The following PPP2R2C variants were observed in gnomAD, a reference collection of about 807,000 sequenced individuals.
The protein encoded by PPP2R2C is protein phosphatase 2, regulatory subunit B, gamma.
Under a neutral mutation model 45.3 loss-of-function variants are expected in PPP2R2C, and 10 were observed. That is an observed-to-expected ratio of 0.22 (90% confidence interval 0.14 to 0.37). PPP2R2C has a LOEUF of 0.37. Among genes scored for constraint, PPP2R2C ranks in the 10% least tolerant of loss-of-function variants. The pLI is 1.00. For missense variants in PPP2R2C, 308 were observed against 619.7 expected, an observed-to-expected ratio of 0.50 and a Z score of 5.34; for synonymous variants, 257 against 245.4, an observed-to-expected ratio of 1.05 and a Z score of -0.44.
At chr4:6,390,541 CCGGGCGG>C (rs1190351027) in intron 1 of PPP2R2C, among the ~76,000 whole-genome samples, 1 of 152,230 alleles carries the variant, frequency 6.6e-6, no homozygotes, top group Non-Finnish European at 1.5e-5. Context: ...AGGGAGCACG[CCGGGCGG>C]CGGGCGCATG....
intron 1 of PPP2R2C, among the ~76,000 whole-genome samples, chr4:6,427,410 G>T (rs1308701859): frequency 5.3e-5 from 8 of 152,160 alleles, no homozygotes; most frequent in African/African-American, 1.9e-4. Context: ...CCCACGTGGG[G>T]GCCCTTCCCA....
chr4:6,513,517 G>A (rs1384518000), intron 2 of PPP2R2C, among the ~76,000 whole-genome samples: 6 of 152,210 alleles, frequency 3.9e-5, no homozygotes, highest in East Asian at 1.9e-4. Flanking sequence ...CAGTCACTGC[G>A]AGGGAGGGGC....
chr4:6,475,811 C>T (rs1168820173), upstream of PPP2R2C, among the ~76,000 whole-genome samples: 2 of 152,234 alleles, frequency 1.3e-5, no homozygotes, highest in Non-Finnish European at 2.9e-5. Flanking sequence ...CTGTGCACCG[C>T]ACCATGTCCC....
At chr4:6,341,887 C>G (rs1014226564) in intron 6 of PPP2R2C, among the ~76,000 whole-genome samples, 4 of 152,182 alleles carry the variant, frequency 2.6e-5, no homozygotes, top group Middle Eastern at 3.4e-3. Flanking sequence ...CATTTTAGCC[C>G]GAGTTCCAGA....
Position 6,329,239 on chromosome 4 carries a change from T to G in PPP2R2C, c.1052+23A>C, listed in dbSNP as rs1204117295. On this transcript the variant is annotated intron_variant, in intron 8 of 8. Transcript: ENST00000382599. The surrounding 1 kb of genome is among the most constrained non-coding windows in gnomAD (Gnocchi z 5.8). ...AAACCCTCCCTACGGTGAGGTGAGG[T>G]GCGGGCTGAGGTCAGGGCTTACCTG... 1.2e-6 allele frequency: 2 copies of G among 1,605,322 alleles called. No individual in the cohort carries two copies. The highest frequency in any genetic ancestry group is 1.3e-5 in the African/African-American group (1 of 74,804).
intron 2 of PPP2R2C, among the ~76,000 whole-genome samples, chr4:6,518,216 T>C (rs1723887276): frequency 6.6e-6 from 1 of 151,732 alleles, no homozygotes; most frequent in African/African-American, 2.4e-5. Flanking sequence ...AGATCTAAAA[T>C]CAAGCACCTA....
At chr4:6,396,741 C>T (rs780694780) in intron 1 of PPP2R2C, among the ~76,000 whole-genome samples, 102 of 152,362 alleles carry the variant, frequency 6.7e-4, no homozygotes, top group Middle Eastern at 6.8e-3. Context: ...CAGGGGTTTG[C>T]CAGTGCAGTT....
At chr4:6,410,528 G>A (rs148881145) in intron 1 of PPP2R2C, among the ~76,000 whole-genome samples, 46 of 152,322 alleles carry the variant, frequency 3.0e-4, no homozygotes, top group African/African-American at 1.1e-3. Context: ...TCAAAAAGAT[G>A]GGGATGGGCA....
chr4:6,520,771 G>A (rs551027867), intron 2 of PPP2R2C, among the ~76,000 whole-genome samples: 5 of 152,316 alleles, frequency 3.3e-5, no homozygotes, highest in South Asian at 2.1e-4. Flanking sequence ...GGCCCACCAC[G>A]TGCCCAGGTA....
intron 1 of PPP2R2C, among the ~76,000 whole-genome samples, chr4:6,398,886 C>T (rs1277064593): frequency 6.6e-6 from 1 of 152,162 alleles, no homozygotes; most frequent in Non-Finnish European, 1.5e-5. Context: ...ATGGCATATT[C>T]ACAGAACAGA....
At chr4:6,455,246 C>T (rs571910517) in intron 1 of PPP2R2C, among the ~76,000 whole-genome samples, 2 of 152,342 alleles carry the variant, frequency 1.3e-5, no homozygotes, top group African/African-American at 4.8e-5. Flanking sequence ...AATCTTTATG[C>T]AAGCCCTTAA....
At position 6,500,832 on chromosome 4, in the gene PPP2R2C, A is replaced by C. The variant is rs575196067; in HGVS notation, c.49+34439T>G. On this transcript the variant is annotated intron_variant, in intron 2 of 9. Coordinates refer to the PPP2R2C transcript ENST00000506140. ...GCTCTAATCTGAGGAATTATCTAAA[A>C]CCCTGCAGGGCCCTGAGGGAGCTGG... 3.9e-5 allele frequency among the ~76,000 whole-genome samples: 6 copies of C among 152,258 alleles called. No homozygotes were observed. In the East Asian group the frequency reaches 9.7e-4, roughly 25 times the overall value.
At position 6,472,358 on chromosome 4, in the gene PPP2R2C, G is replaced by T; in HGVS notation, c.-129C>A. ...GGGCGCGGGCCGCCGGGGCCCCGAAGGGAGGGCATCGCGGCAGGGGGACGG... is the reference window on the plus strand; with the variant it reads ...GGGCGCGGGCCGCCGGGGCCCCGAATGGAGGGCATCGCGGCAGGGGGACGG... On this transcript the variant is annotated 5_prime_UTR_variant, in exon 1 of 9. Transcript: ENST00000382599. The T allele has an allele frequency of 8.4e-7, 1 of 1,195,608 alleles. No homozygotes were observed. Among genetic ancestry groups the T allele is most frequent in the African/African-American group, 1.6e-5 (1 of 62,380 alleles). The allele number at this position is 1,195,608 out of a possible 1,614,324, so 74.1% of individuals were successfully genotyped here.
chr4:6,392,521 G>A (rs1716717805), intron 1 of PPP2R2C, among the ~76,000 whole-genome samples: 1 of 152,230 alleles, frequency 6.6e-6, no homozygotes, highest in African/African-American at 2.4e-5. Flanking sequence ...CCTGAAGGAT[G>A]TGAGAGAGGG....
intron 5 of PPP2R2C, among the ~76,000 whole-genome samples, chr4:6,367,065 G>C (rs1714382587): frequency 6.6e-6 from 1 of 151,792 alleles, no homozygotes; most frequent in Non-Finnish European, 1.5e-5. Context: ...AGAGGGAGGA[G>C]GCTGGGAGGG....
chr4:6,390,600 G>A (rs552474792), intron 1 of PPP2R2C, among the ~76,000 whole-genome samples: 8 of 152,226 alleles, frequency 5.3e-5, no homozygotes, highest in Non-Finnish European at 5.9e-5. Flanking sequence ...GACTGTTGCC[G>A]GGACTGGACA....
chr4:6,509,886 G>A (rs1241408923), intron 2 of PPP2R2C, among the ~76,000 whole-genome samples: 1 of 152,194 alleles, frequency 6.6e-6, no homozygotes, highest in Non-Finnish European at 1.5e-5. Context: ...AGTGCACTTG[G>A]TGGGGGCTGT....
intron 1 of PPP2R2C, among the ~76,000 whole-genome samples, chr4:6,415,341 T>C (rs1183367924): frequency 6.6e-6 from 1 of 152,254 alleles, no homozygotes; most frequent in Non-Finnish European, 1.5e-5. Context: ...TAGCCTCTTA[T>C]TTCAAAGGCA....
chr4:6,378,831 C>T lies in PPP2R2C; in HGVS notation c.169-259G>A, dbSNP rs566816167. Among the ~76,000 whole-genome samples, 64 of 152,084 alleles carry T rather than the reference C, an allele frequency of 4.2e-4. No homozygotes were observed. The highest frequency in any genetic ancestry group is 1.7e-3 in the South Asian group (8 of 4,812). On this transcript the variant is annotated intron_variant, in intron 2 of 8. Transcript: ENST00000382599. This position sits in a 1 kb window ranked among gnomAD's most constrained non-coding sequence, Gnocchi z 5.2. ...ACTTGCTAATGCGAATGTTCCCCAG[C>T]GCCTGCTACAAGCTGGACACCCCAC...
Sources: allele counts gnomAD v4.1 joint callset (sites outside exome capture counted in the v4.1 genomes callset), GRCh38; gene constraint gnomAD v4.1.1; non-coding constraint Gnocchi (gnomAD v3.1); transcripts MANE v1.5; gene names NCBI Gene and HGNC (gene_info 2026-07-23, HGNC 2026-07-21).